The following ATP1A2 variants were observed in gnomAD, a reference collection of about 807,000 sequenced individuals.
ATP1A2 encodes the protein sodium/potassium-transporting ATPase subunit alpha-2.
ATP1A2 carries 56 observed loss-of-function variants against 113.1 expected under a neutral mutation model. The observed-to-expected ratio is 0.49, with a 90% CI of 0.40 to 0.62. The LOEUF is 0.62. Among genes scored for constraint, ATP1A2 ranks in the 20% least tolerant of loss-of-function variants. The pLI, the probability that ATP1A2 is intolerant of heterozygous loss-of-function variation, is 0.00. For missense variants in ATP1A2, 712 were observed against 1,357.8 expected (o/e 0.52, Z 7.47); for synonymous variants, 490 against 526.8 (o/e 0.93, Z 0.96).
rs1651549980 is a variant in ATP1A2 at position 160,125,264 on chromosome 1, A to G, written c.748+11A>G. Reference sequence around the variant, plus strand: ...CCAACTGTGTTGAAGGTGAGAAGCCAGGCTGCCCCCTGTAGGAAAGAGTCT... The same window carrying G: ...CCAACTGTGTTGAAGGTGAGAAGCCGGGCTGCCCCCTGTAGGAAAGAGTCT... On this transcript the variant is annotated intron_variant, in intron 7 of 22. Transcript: ENST00000361216. The G allele has an allele frequency of 5.0e-6, 8 of 1,605,332 alleles. No individual in the cohort carries two copies. The highest frequency in any genetic ancestry group is 6.8e-6 in the Non-Finnish European group (8 of 1,172,138).
intron 18 of ATP1A2, 73 bp downstream of exon 18, chr1:160,136,443 C>T: frequency 3.1e-6 from 5 of 1,612,364 alleles, no homozygotes; most frequent in African/African-American, 1.3e-5. Context: ...GAATGAGCCC[C>T]AAGCAAAATT....
chr1:160,130,481 G>T lies in ATP1A2; in HGVS notation c.1711G>T (p.Asp571Tyr). 4 of 1,614,222 alleles carry T rather than the reference G, an allele frequency of 2.5e-6. No individual in the cohort carries two copies. Among genetic ancestry groups the T allele is most frequent in the Non-Finnish European group, 3.4e-6 (4 of 1,180,038 alleles). Reference sequence around the variant, plus strand: ...TCCTCGGGGCTTCAAATTCGACACGGATGAGCTGAACTTTCCCACGGAGAA... The same window carrying T: ...TCCTCGGGGCTTCAAATTCGACACGTATGAGCTGAACTTTCCCACGGAGAA... ...KFPRGFKFDTDELNFPTEKLC... is the reference protein window; with the variant it reads ...KFPRGFKFDTYELNFPTEKLC... The change falls in exon 13 of 23, where the codon GAT (aspartate) becomes TAT (tyrosine). Residue 571 changes from aspartate (D) to tyrosine (Y), a missense_variant. This residue lies in a region of ATP1A2 where 263 missense variants were observed against 380.6 expected (regional missense o/e 0.69). Coordinates refer to ENST00000361216, the MANE Select transcript of ATP1A2 (RefSeq NM_000702.4).
chr1:160,137,120 A>T, intron 20 of ATP1A2, 89 bp downstream of exon 20: 1 of 1,597,780 alleles, frequency 6.3e-7, no homozygotes, highest in Non-Finnish European at 8.6e-7. Flanking sequence ...TCAGCCCTGG[A>T]CCAGAGCTGT....
At chr1:160,116,464 C>T (rs1651187623) in intron 1 of ATP1A2, among the ~76,000 whole-genome samples, 1 of 152,004 alleles carries the variant, frequency 6.6e-6, no homozygotes, top group Non-Finnish European at 1.5e-5. Context: ...AGCACCCCTC[C>T]GGATGTCCCG....
In ATP1A2 at chr1:160,136,442, C is replaced by A. The variant is rs571448190; in HGVS notation, c.2563+72C>A. 3.4e-4 allele frequency: 551 copies of A among 1,612,344 alleles called. 2 individuals carry two copies. The South Asian group carries it at 3.9e-3, about 11-fold the overall frequency. Reference sequence around the variant, plus strand: ...TTCCCAGCTTTCAGAGGAATGAGCCCCAAGCAAAATTCCAGGACAGAGGCC... The same window carrying A: ...TTCCCAGCTTTCAGAGGAATGAGCCACAAGCAAAATTCCAGGACAGAGGCC... On this transcript the variant is annotated intron_variant, in intron 18 of 22. Transcript: ENST00000361216.
intron 20 of ATP1A2, 149 bp downstream of exon 20, chr1:160,137,180 T>C (rs1339636713): frequency 7.5e-7 from 1 of 1,334,186 alleles, no homozygotes; most frequent in Non-Finnish European, 1.1e-6. Flanking sequence ...ATAGATAGGT[T>C]TCATATAGAA....
At position 160,119,256 on chromosome 1, in the gene ATP1A2, C is replaced by CAAAAAAAAAAAAA. The variant is rs386368465; in HGVS notation, c.13-1635_13-1623dup. Among the ~76,000 whole-genome samples the CAAAAAAAAAAAAA allele has an allele frequency of 1.2e-3, 59 of 49,428 alleles. 19 individuals are homozygous for CAAAAAAAAAAAAA. Among genetic ancestry groups the CAAAAAAAAAAAAA allele is most frequent in the East Asian group, 3.9e-3 (5 of 1,282 alleles). 32.4% of individuals were successfully genotyped at this position (49,428 alleles called of 152,430 possible). A position where few individuals can be genotyped will look rare whatever the true frequency, so the allele number is the denominator to read the frequency against. On this transcript the variant is annotated intron_variant, in intron 1 of 22. Coordinates refer to ENST00000361216, the MANE Select transcript of ATP1A2 (RefSeq NM_000702.4). ...AAACCCCCAAAACTGCATTATCCTG[C>CAAAAAAAAAAAAA]AAAAAAAAAAAAAAAAAAAAAAAAA...
chr1:160,139,565 G>T, intron 20 of ATP1A2, 75 bp from the exon 21 acceptor site: 6 of 1,295,684 alleles, frequency 4.6e-6, no homozygotes, highest in Non-Finnish European at 4.5e-6. Context: ...TCTTTCCCTT[G>T]CACCCCAGGG....
intron 20 of ATP1A2, 127 bp from the exon 21 acceptor site, chr1:160,139,513 T>A: frequency 1.2e-6 from 1 of 815,670 alleles, no homozygotes; most frequent in Non-Finnish European, 2.1e-6. Context: ...AAGAGGCTGT[T>A]GGAAGAAGAC....
intron 13 of ATP1A2, among the ~76,000 whole-genome samples, chr1:160,131,779 C>T (rs1052262751): frequency 5.3e-5 from 8 of 150,858 alleles, no homozygotes; most frequent in Non-Finnish European, 1.2e-4. Flanking sequence ...TGCAGTGAGC[C>T]GAGATTAGGC....
At chr1:160,129,430 A>G in intron 11 of ATP1A2, 30 bp downstream of exon 11, 1 of 1,608,022 alleles carries the variant, frequency 6.2e-7, no homozygotes, top group Non-Finnish European at 8.5e-7. Flanking sequence ...ACAGAGGAAG[A>G]GAGAGGGATA....
At position 160,135,193 on chromosome 1, in the gene ATP1A2, A is replaced by T; in HGVS notation, c.2013A>T (p.Thr671=). ...VVHGSDLKDM[T]SEQLDEILKN... is the part of the protein sequence containing the mutation. ...ACGGCTCTGACCTGAAGGACATGAC[A>T]TCGGAGCAGCTCGATGAGATCCTCA... is the stretch of plus-strand genomic sequence containing the variant. Residue 671 remains threonine, a synonymous_variant, in exon 15 of 23, where the codon ACA becomes ACT. Coordinates refer to ENST00000361216, the MANE Select transcript of ATP1A2 (RefSeq NM_000702.4). This position sits in a 1 kb window ranked among gnomAD's most constrained non-coding sequence, Gnocchi z 6.3. 1 of 1,614,198 alleles carries T rather than the reference A, an allele frequency of 6.2e-7. No individual in the cohort carries two copies. Among genetic ancestry groups the T allele is most frequent in the Non-Finnish European group, 8.5e-7 (1 of 1,180,040 alleles).
At position 160,143,026 on chromosome 1, in the gene ATP1A2, G is replaced by A. The variant is rs527335688; in HGVS notation, c.*1704G>A. On this transcript the variant is annotated 3_prime_UTR_variant, in exon 23 of 23. Transcript: ENST00000361216. The stretch of plus-strand genomic sequence containing the variant: ...CTCTAAGCCTGGCTTAGAAGGCACT[G>A]GGAATGTCCTGTAGAGAGAGACCTA... The A allele has an allele frequency of 6.6e-6, 1 of 152,320 alleles. No individual in the cohort carries two copies. The highest frequency in any genetic ancestry group is 1.5e-5 in the Non-Finnish European group (1 of 68,036). The allele number at this position is 152,320 out of a possible 1,614,324, so 9.4% of individuals were successfully genotyped here.
intron 3 of ATP1A2, among the ~76,000 whole-genome samples, 177 bp from the exon 4 acceptor site, chr1:160,123,036 G>A (rs1401808029): frequency 5.3e-5 from 8 of 152,134 alleles, no homozygotes; most frequent in Non-Finnish European, 4.4e-5. Flanking sequence ...CCTCCAAGTT[G>A]CATCACAAAT....
chr1:160,130,895 A>G (rs1651750964), intron 13 of ATP1A2, among the ~76,000 whole-genome samples: 1 of 152,062 alleles, frequency 6.6e-6, no homozygotes, highest in African/African-American at 2.4e-5. Context: ...TGGCACTCCT[A>G]TCTTGAAGAC....
intron 4 of ATP1A2, 35 bp downstream of exon 4, chr1:160,123,451 G>T: frequency 6.2e-7 from 1 of 1,613,678 alleles, no homozygotes; most frequent in South Asian, 1.1e-5. Flanking sequence ...AACAGCCCGT[G>T]ACTGTCCTCC....
chr1:160,119,256 C>CAAAAAA (rs386368465), intron 1 of ATP1A2, among the ~76,000 whole-genome samples: 1,184 of 49,326 alleles, frequency 0.024, 293 homozygotes, highest in East Asian at 0.06. Flanking sequence ...CATTATCCTG[C>CAAAAAA]AAAAAAAAAA....
intron 1 of ATP1A2, among the ~76,000 whole-genome samples, chr1:160,120,204 G>A (rs929339542): frequency 6.6e-6 from 1 of 152,076 alleles, no homozygotes; most frequent in African/African-American, 2.4e-5. Flanking sequence ...GTTGCCTCCC[G>A]TCTAGTAACG....
At chr1:160,118,009 C>A (rs530462154) in intron 1 of ATP1A2, among the ~76,000 whole-genome samples, 21 of 152,010 alleles carry the variant, frequency 1.4e-4, no homozygotes. Context: ...CCTGGGCAGC[C>A]GCTGGCCCCA....
Sources: allele counts gnomAD v4.1 joint callset (sites outside exome capture counted in the v4.1 genomes callset), GRCh38; gene constraint gnomAD v4.1.1; regional missense constraint gnomAD v4.1.1; non-coding constraint Gnocchi (gnomAD v3.1); transcripts MANE v1.5; gene names NCBI Gene and HGNC (gene_info 2026-07-23, HGNC 2026-07-21).